The following BPTF variants were observed in gnomAD, a reference collection of about 807,000 sequenced individuals.
The protein encoded by BPTF is nucleosome-remodeling factor subunit BPTF.
BPTF carries 18 observed loss-of-function variants against 292.5 expected under a neutral mutation model. The observed-to-expected ratio is 0.06, with a 90% confidence interval of 0.04 to 0.09. The LOEUF (loss-of-function observed/expected upper bound fraction) is 0.09. BPTF is among the 10% of genes least tolerant of loss of function. The pLI is 1.00. For missense variants in BPTF, 2,726 were observed against 3,498.7 expected (o/e 0.78, Z 5.57); for synonymous variants, 1,225 against 1,251.9 (o/e 0.98, Z 0.45).
At chr17:67,900,137 C>A (rs967803161) in intron 7 of BPTF, among the ~76,000 whole-genome samples, 1 of 151,776 alleles carries the variant, frequency 6.6e-6, no homozygotes, top group African/African-American at 2.4e-5. Context: ...CAGAGTCTTG[C>A]TGTGTCGCCC....
intron 1 of BPTF, among the ~76,000 whole-genome samples, chr17:67,835,630 CAT>C (rs1200069633): frequency 6.6e-5 from 10 of 151,020 alleles, no homozygotes; most frequent in Non-Finnish European, 1.2e-4. Context: ...AGGAAGTTAA[CAT>C]GTGATTAGAA....
intron 18 of BPTF, among the ~76,000 whole-genome samples, chr17:67,938,508 A>T (rs77847648): frequency 0.017 from 2,614 of 152,308 alleles, 66 homozygotes; most frequent in African/African-American, 0.055. Context: ...AATTAGCATG[A>T]TACCAAAGGA....
chr17:67,910,814 A>G lies in BPTF; in HGVS notation c.2993-63A>G, dbSNP rs905328324. 1.2e-5 allele frequency: 14 copies of G among 1,171,460 alleles called. No homozygotes were observed. The African/African-American group carries it at 2.0e-4, about 17-fold the overall frequency. The allele number at this position is 1,171,460 out of a possible 1,614,324, so 72.6% of individuals were successfully genotyped here. ...GACTCCATCTCAAAAAAAAAAATATATATATATAAATTCCTCCTTTCAGAG... is the reference window on the plus strand; with the variant it reads ...GACTCCATCTCAAAAAAAAAAATATGTATATATAAATTCCTCCTTTCAGAG... On this transcript the variant is annotated intron_variant, in intron 10 of 27. Transcript: ENST00000306378.
chr17:67,830,577 T>A (rs2056574952), intron 1 of BPTF, among the ~76,000 whole-genome samples: 1 of 146,618 alleles, frequency 6.8e-6, no homozygotes, highest in African/African-American at 2.5e-5. Context: ...GATGTGGGCA[T>A]ACACTTCCTG....
At chr17:67,929,532 T>A in intron 17 of BPTF, 45 bp downstream of exon 17, 1 of 1,577,306 alleles carries the variant, frequency 6.3e-7, no homozygotes, top group Non-Finnish European at 8.6e-7. Context: ...GTTGAGCACA[T>A]CACATTATTT....
chr17:67,970,434 T>A (rs1455299437), intron 26 of BPTF, among the ~76,000 whole-genome samples: 1 of 152,110 alleles, frequency 6.6e-6, no homozygotes, highest in African/African-American at 2.4e-5. Context: ...ACATACATAC[T>A]AAGTTAAACA....
intron 27 of BPTF, among the ~76,000 whole-genome samples, chr17:67,980,486 G>T (rs566639625): frequency 6.6e-6 from 1 of 152,212 alleles, no homozygotes; most frequent in Non-Finnish European, 1.5e-5. Context: ...TTTGTACATC[G>T]TGGTTATTCC....
chr17:67,829,332 T>C (rs2056428439), intron 1 of BPTF, among the ~76,000 whole-genome samples: 2 of 152,140 alleles, frequency 1.3e-5, no homozygotes, highest in Admixed American at 1.3e-4. Context: ...AAAATAGATG[T>C]GACTTTTTTT....
In BPTF at chr17:67,966,669, G is replaced by A. The variant is rs2068131445; in HGVS notation, c.8539+13G>A. 1.3e-6 allele frequency: 2 copies of A among 1,487,448 alleles called. No individual in the cohort carries two copies. The highest frequency in any genetic ancestry group is 1.8e-6 in the Non-Finnish European group (2 of 1,112,736). 92.1% of individuals were successfully genotyped at this position (1,487,448 alleles called of 1,614,324 possible). A position where few individuals can be genotyped will look rare whatever the true frequency, so the allele number is the denominator to read the frequency against. On this transcript the variant is annotated intron_variant, in intron 26 of 27. Coordinates refer to ENST00000306378, the MANE Select transcript of BPTF (RefSeq NM_182641.4). ...AAGGAACCTATGGGTAAGTACATGA[G>A]TTGAATATGAAGTTTTTCAGAAGTC...
At chr17:67,846,865 T>C (rs1247823496) in intron 1 of BPTF, among the ~76,000 whole-genome samples, 1 of 152,150 alleles carries the variant, frequency 6.6e-6, no homozygotes, top group African/African-American at 2.4e-5. Context: ...CACACCCAGC[T>C]AATTTTTGTT....
At chr17:67,947,649 A>G in intron 21 of BPTF, 77 bp from the exon 22 acceptor site, 1 of 1,109,270 alleles carries the variant, frequency 9.0e-7, no homozygotes, top group Non-Finnish European at 1.3e-6. Context: ...ATGTGCTCAA[A>G]TTTCTACTGT....
intron 27 of BPTF, 69 bp downstream of exon 27, chr17:67,976,027 G>A (rs1256819377): frequency 4.0e-6 from 5 of 1,242,836 alleles, no homozygotes; most frequent in South Asian, 1.6e-5. Context: ...TCTGTCTAAC[G>A]ATTCAACCAG....
chr17:67,967,076 G>A (rs1555687903), intron 26 of BPTF, among the ~76,000 whole-genome samples: 2 of 151,390 alleles, frequency 1.3e-5, no homozygotes, highest in South Asian at 4.2e-4. Flanking sequence ...CTCTAACCTG[G>A]CAAGAAAATG....
In BPTF at chr17:67,930,115, C is replaced by CA. The variant is rs57367735; in HGVS notation, c.6150+647dup. Among the ~76,000 whole-genome samples the CA allele has an allele frequency of 7.8e-3, 837 of 107,750 alleles. 8 individuals carry two copies. Among genetic ancestry groups the CA allele is most frequent in the Middle Eastern group, 0.011 (2 of 184 alleles). 70.7% of individuals were successfully genotyped at this position (107,750 alleles called of 152,430 possible). ...TGGGCAATAGAGCCAGACCTTGTCTCAAAAAAAAAAAAAAAAAAATTAAAA... is the reference window on the plus strand; with the variant it reads ...TGGGCAATAGAGCCAGACCTTGTCTCAAAAAAAAAAAAAAAAAAAATTAAAA... On this transcript the variant is annotated intron_variant, in intron 17 of 27. Transcript: ENST00000306378.
Position 67,968,605 on chromosome 17 carries a change from C to T in BPTF, c.8539+1949C>T, listed in dbSNP as rs183715207. Among the ~76,000 whole-genome samples the T allele has an allele frequency of 7.7e-3, 1,166 of 150,536 alleles. 64 individuals carry two copies. The highest frequency in any genetic ancestry group is 0.024 in the African/African-American group (980 of 40,432). On this transcript the variant is annotated intron_variant, in intron 26 of 27. Coordinates refer to ENST00000306378, the MANE Select transcript of BPTF (RefSeq NM_182641.4). ...CATCCTGGCTAACACGGTGAAACCC[C>T]GTGTTAGCCCGTCTCTACTAAAAAT...
At chr17:67,832,064 A>G (rs1481243800) in intron 1 of BPTF, among the ~76,000 whole-genome samples, 1 of 151,702 alleles carries the variant, frequency 6.6e-6, no homozygotes, top group Non-Finnish European at 1.5e-5. Context: ...TAATTTTTGT[A>G]TTTTTAGTAG....
intron 3 of BPTF, among the ~76,000 whole-genome samples, chr17:67,874,231 CTCTG>C (rs1306195970): frequency 2.6e-5 from 4 of 152,288 alleles, no homozygotes; most frequent in Non-Finnish European, 4.4e-5. Flanking sequence ...CATAGTATCA[CTCTG>C]TCTAAGTTGA....
chr17:67,835,041 G>C (rs1411476559), intron 1 of BPTF, among the ~76,000 whole-genome samples: 1 of 152,008 alleles, frequency 6.6e-6, no homozygotes, highest in East Asian at 1.9e-4. Flanking sequence ...GTAAGACACT[G>C]TCTTTACAAA....
rs782013440 is a variant in BPTF, at chr17:67,959,666, ACCTTCACCT to A, written c.8055_8063del (p.Ser2686_Pro2688del). 27 of 1,534,078 alleles carry A rather than the reference ACCTTCACCT, an allele frequency of 1.8e-5. No homozygotes were observed. Among genetic ancestry groups the A allele is most frequent in the Admixed American group, 7.8e-5 (4 of 51,476 alleles). ...CTCCTCCAGCCCCTCCAGCCCCTCC[ACCTTCACCT>A]CCCCCTCCACCTGCTGTGCAACACA... On this transcript the variant is annotated inframe_deletion, in exon 24 of 28. Transcript: ENST00000306378.
Sources: gnomAD v4.1 joint callset for allele counts (sites outside exome capture counted in the v4.1 genomes callset) on GRCh38, gnomAD v4.1.1 for gene constraint, MANE v1.5 for transcripts, NCBI Gene and HGNC (gene_info 2026-07-23, HGNC 2026-07-21) for gene names.